Variants in DLG2 observed in about 807,000 individuals in gnomAD.
DLG2 encodes discs large MAGUK scaffold protein 2.
DLG2 carries 45 observed loss-of-function variants against 132.5 expected under a neutral mutation model. The ratio of observed to expected loss-of-function variants is 0.34; its 90% CI spans 0.27 to 0.44. The LOEUF is 0.44. Ranked by LOEUF, DLG2 falls within the 20% of genes least tolerant of loss-of-function variation. The pLI, the probability that DLG2 is intolerant of heterozygous loss-of-function variation, is 1.00. For synonymous variants in DLG2, 424 were observed against 419.6 expected, an observed-to-expected ratio of 1.01 and a Z score of -0.13; for missense variants, 1,045 against 1,196.9, an observed-to-expected ratio of 0.87 and a Z score of 1.87.
chr11:83,929,110 GTCAAAAATGT>G (rs2079624353), intron 15 of DLG2, among the ~76,000 whole-genome samples: 1 of 152,098 alleles, frequency 6.6e-6, no homozygotes, highest in South Asian at 2.1e-4. Flanking sequence ...GATTTACATA[GTCAAAAATGT>G]GTTTTCTCAT....
intron 7 of DLG2, chr11:84,316,819 G>C (rs2098362105): frequency 6.2e-7 from 1 of 1,601,630 alleles, no homozygotes; most frequent in Non-Finnish European, 8.5e-7. Flanking sequence ...TAAGGAAAAG[G>C]CTCACCTGTG....
chr11:83,569,203 T>G (rs1313576581), intron 19 of DLG2, among the ~76,000 whole-genome samples: 1 of 139,924 alleles, frequency 7.1e-6, no homozygotes, highest in South Asian at 2.3e-4. Context: ...TTTATGCTGT[T>G]TTTTTTAATT....
intron 3 of DLG2, among the ~76,000 whole-genome samples, chr11:85,582,239 T>A (rs1263674382): frequency 6.6e-6 from 1 of 152,082 alleles, no homozygotes; most frequent in Admixed American, 6.5e-5. Flanking sequence ...AGCCAATGAT[T>A]TAGTAGTAGT....
At chr11:84,475,862 GT>G (rs1211698732) in intron 7 of DLG2, among the ~76,000 whole-genome samples, 3 of 152,108 alleles carry the variant, frequency 2.0e-5, no homozygotes, top group Non-Finnish European at 4.4e-5. Flanking sequence ...GCTGTGTGCT[GT>G]GGCATGGTAC....
chr11:84,155,042 T>C (rs2095400696), intron 9 of DLG2, among the ~76,000 whole-genome samples: 1 of 152,190 alleles, frequency 6.6e-6, no homozygotes, highest in Admixed American at 6.5e-5. Context: ...ATCCAGAATC[T>C]ACAAAGAACT....
At chr11:84,530,104 A>G (rs2154519862) in intron 7 of DLG2, among the ~76,000 whole-genome samples, 1 of 152,342 alleles carries the variant, frequency 6.6e-6, no homozygotes, top group African/African-American at 2.4e-5. Flanking sequence ...AGAAGATTGA[A>G]ACTGAACCCC....
intron 3 of DLG2, among the ~76,000 whole-genome samples, chr11:85,356,584 A>G (rs910971324): frequency 5.3e-5 from 8 of 152,228 alleles, no homozygotes; most frequent in Non-Finnish European, 1.2e-4. Context: ...AAAGAATGAT[A>G]TGAATTTCTA....
intron 17 of DLG2, among the ~76,000 whole-genome samples, chr11:83,826,296 TG>T: frequency 6.6e-6 from 1 of 152,154 alleles, no homozygotes. Flanking sequence ...GCCTGGCTAG[TG>T]GGGCTCTGAA....
intron 17 of DLG2, among the ~76,000 whole-genome samples, chr11:83,832,479 T>C (rs940610629): frequency 6.6e-6 from 1 of 152,174 alleles, no homozygotes; most frequent in African/African-American, 2.4e-5. Context: ...CTGGAGGCTA[T>C]TATCCTAAGC....
chr11:85,431,041 GT>G (rs530681590), intron 3 of DLG2, among the ~76,000 whole-genome samples: 9 of 152,004 alleles, frequency 5.9e-5, no homozygotes, highest in South Asian at 2.1e-4. Context: ...TAATTTTTTA[GT>G]TTTTTTTATT....
intron 6 of DLG2, among the ~76,000 whole-genome samples, chr11:84,990,782 C>G (rs2057012238): frequency 6.6e-6 from 1 of 151,922 alleles, no homozygotes; most frequent in South Asian, 2.1e-4. Flanking sequence ...CTGGAAAGTT[C>G]CATGAAGAAC....
intron 20 of DLG2, among the ~76,000 whole-genome samples, chr11:83,533,268 T>C (rs78357061): frequency 6.6e-6 from 1 of 152,286 alleles, no homozygotes; most frequent in African/African-American, 2.4e-5. Flanking sequence ...GAGCTTTCCT[T>C]TTCCCCAATG....
chr11:85,064,621 T>G (rs1314684860), intron 6 of DLG2, among the ~76,000 whole-genome samples: 1 of 151,788 alleles, frequency 6.6e-6, no homozygotes, highest in East Asian at 1.9e-4. Flanking sequence ...GTTAGTTTTA[T>G]CTCAACTTGG....
intron 7 of DLG2, among the ~76,000 whole-genome samples, chr11:84,284,071 T>C (rs11822964): frequency 0.082 from 12,417 of 152,160 alleles, 570 homozygotes; most frequent in Non-Finnish European, 0.1. Context: ...TGGTCTCTAC[T>C]AAAAATAACA....
At chr11:83,500,671 T>G (rs911799255) in intron 21 of DLG2, among the ~76,000 whole-genome samples, 1 of 152,090 alleles carries the variant, frequency 6.6e-6, no homozygotes, top group African/African-American at 2.4e-5. Flanking sequence ...TTTTATTTAC[T>G]AATTAAGTTA....
chr11:84,355,282 G>A (rs141200802), intron 7 of DLG2, among the ~76,000 whole-genome samples: 4 of 152,148 alleles, frequency 2.6e-5, no homozygotes, highest in East Asian at 1.9e-4. Flanking sequence ...ACGGACATCC[G>A]CTATTGCTGT....
At chr11:83,669,826 T>C (rs976580631) in intron 18 of DLG2, among the ~76,000 whole-genome samples, 2 of 152,216 alleles carry the variant, frequency 1.3e-5, no homozygotes, top group African/African-American at 4.8e-5. Context: ...AAATGAATAC[T>C]TTCTAGATAA....
intron 6 of DLG2, among the ~76,000 whole-genome samples, chr11:85,106,254 A>T (rs1223797208): frequency 6.6e-6 from 1 of 151,986 alleles, no homozygotes; most frequent in Non-Finnish European, 1.5e-5. Flanking sequence ...TTTTTAAATG[A>T]AAAGGAAAAC....
intron 14 of DLG2, among the ~76,000 whole-genome samples, chr11:83,950,534 A>AGT (rs2085156667): frequency 6.6e-6 from 1 of 152,232 alleles, no homozygotes; most frequent in Non-Finnish European, 1.5e-5. Flanking sequence ...ACGAGGTTTC[A>AGT]GTGAGCTGAG....
Sources: allele counts gnomAD v4.1 joint callset (sites outside exome capture counted in the v4.1 genomes callset), GRCh38; gene constraint gnomAD v4.1.1; transcripts MANE v1.5; gene names NCBI Gene and HGNC (gene_info 2026-07-23, HGNC 2026-07-21).